PCBP2: variants seen among roughly 807,000 people sequenced by gnomAD.
PCBP2 encodes poly(rC) binding protein 2.
In PCBP2, 4 loss-of-function variants were observed where a neutral mutation model predicts 50.1. That is an observed-to-expected ratio of 0.08 (90% CI 0.04 to 0.18). The LOEUF (loss-of-function observed/expected upper bound fraction) is 0.18. Among genes scored for constraint, PCBP2 ranks in the 10% least tolerant of loss-of-function variants. PCBP2 has a pLI of 1.00. For missense variants in PCBP2, 161 were observed against 474.3 expected (o/e 0.34, Z 6.14); for synonymous variants, 179 against 168.0 (o/e 1.07, Z -0.51).
chr12:53,454,482 C>T (rs1330991857), intron 1 of PCBP2: 1 of 275,852 alleles, frequency 3.6e-6, no homozygotes, highest in African/African-American at 2.2e-5. Context: ...GAACCTTGTT[C>T]ATCCTGAGAG....
At chr12:53,471,876 T>C in intron 14 of PCBP2, 69 bp downstream of exon 14, 1 of 1,407,784 alleles carries the variant, frequency 7.1e-7, no homozygotes, top group Non-Finnish European at 9.7e-7. Context: ...AGAGCTGCAG[T>C]GTATTAAATA....
rs1471829632 is a variant in PCBP2, at chr12:53,468,766, C to T, written c.827-11C>T. The T allele has an allele frequency of 6.2e-7, 1 of 1,609,694 alleles. No individual in the cohort carries two copies. Among genetic ancestry groups the T allele is most frequent in the East Asian group, 2.2e-5 (1 of 44,868 alleles). ...GTGCATTGAATTTGCTTGCTCTCTT[C>T]TGTCTTTTAGCAGGTTTGGATGCAT... On this transcript the variant is annotated splice_polypyrimidine_tract_variant and intron_variant, in intron 12 of 14. Coordinates refer to ENST00000546463, the MANE Select transcript of PCBP2 (RefSeq NM_031989.5).
intron 14 of PCBP2, among the ~76,000 whole-genome samples, chr12:53,476,900 C>CA (rs1466789396): frequency 6.6e-6 from 1 of 152,170 alleles, no homozygotes; most frequent in East Asian, 1.9e-4. Flanking sequence ...CCATCTCCCC[C>CA]CAGGGATGTG....
Position 53,461,296 on chromosome 12 carries a change from C to T in PCBP2, c.504+153C>T, listed in dbSNP as rs550631204. Among the ~76,000 whole-genome samples, 165 of 152,248 alleles carry T rather than the reference C, an allele frequency of 1.1e-3. 3 individuals are homozygous for T. The South Asian group carries it at 0.032, about 30-fold the overall frequency. Reference sequence around the variant, plus strand: ...GTTCCCTGAGTTCATATTTTCCTTCCCCTAGCTTTGACTTTTCTTATGGTC... The same window carrying T: ...GTTCCCTGAGTTCATATTTTCCTTCTCCTAGCTTTGACTTTTCTTATGGTC... On this transcript the variant is annotated intron_variant, in intron 7 of 14. Transcript: ENST00000546463.
At chr12:53,460,415 G>A (rs1198327544) in intron 6 of PCBP2, 4 of 359,582 alleles carry the variant, frequency 1.1e-5, no homozygotes, top group Non-Finnish European at 2.3e-5. Context: ...CAAAGTGCTC[G>A]GATTACAGAT....
At chr12:53,477,161 T>C (rs1368757097) in intron 14 of PCBP2, among the ~76,000 whole-genome samples, 1 of 152,096 alleles carries the variant, frequency 6.6e-6, no homozygotes, top group Admixed American at 6.6e-5. Flanking sequence ...TGATACACAT[T>C]CAGAACATTT....
chr12:53,452,595 C>T (rs915209834), intron 1 of PCBP2, among the ~76,000 whole-genome samples: 4 of 151,594 alleles, frequency 2.6e-5, no homozygotes, highest in African/African-American at 4.8e-5. Flanking sequence ...CTCCCCCCGC[C>T]TTTTCCCGGT....
Position 53,472,348 on chromosome 12 carries a change from G to A in PCBP2, c.1052+541G>A, listed in dbSNP as rs182429314. On this transcript the variant is annotated intron_variant, in intron 14 of 14. Coordinates refer to ENST00000546463, the MANE Select transcript of PCBP2 (RefSeq NM_031989.5). ...GGAAGCACAGGTATTGGAATGTTTC[G>A]GAAGTGTGAAGTGTGTTTTCTATCT... is the stretch of plus-strand genomic sequence containing the variant. Among the ~76,000 whole-genome samples the A allele has an allele frequency of 2.7e-3, 416 of 152,210 alleles. 1 individual carries two copies. Among genetic ancestry groups the A allele is most frequent in the African/African-American group, 9.7e-3 (403 of 41,488 alleles).
At position 53,464,822 on chromosome 12, in the gene PCBP2, C is replaced by G. The variant is rs748231373; in HGVS notation, c.642C>G (p.Leu214=). 1 of 1,612,270 alleles carries G rather than the reference C, an allele frequency of 6.2e-7. No individual in the cohort carries two copies. The highest frequency in any genetic ancestry group is 1.1e-5 in the South Asian group (1 of 90,778). The stretch of plus-strand genomic sequence containing the variant: ...CCCACACCACCCCGTCCATGTGCCT[C>G]AACCCTGACCTGGAGGGACCACCTC... ...SFPHTTPSMC[L]NPDLEGPPLE... is the part of the protein sequence containing the mutation. The change falls in exon 9 of 15, where the codon CTC becomes CTG. Residue 214 remains leucine, a synonymous_variant. Transcript: ENST00000546463.
intron 13 of PCBP2, among the ~76,000 whole-genome samples, chr12:53,469,413 A>G (rs544428952): frequency 6.6e-6 from 1 of 152,074 alleles, no homozygotes; most frequent in Non-Finnish European, 1.5e-5. Flanking sequence ...GACAGCAGTA[A>G]CTTTTTGCTG....
chr12:53,480,074 C>T lies in PCBP2; in HGVS notation c.*632C>T, dbSNP rs914683966. The T allele has an allele frequency of 2.6e-5, 4 of 151,880 alleles. No homozygotes were observed. Among genetic ancestry groups the T allele is most frequent in the African/African-American group, 7.3e-5 (3 of 41,302 alleles). The allele number at this position is 151,880 out of a possible 1,614,324, so 9.4% of individuals were successfully genotyped here. ...TTAGACTTTCCGAGGACTTACCTGT[C>T]CTAGGGGAGTAGGCAAGCACTTCCA... On this transcript the variant is annotated 3_prime_UTR_variant, in exon 15 of 15. Coordinates refer to ENST00000546463, the MANE Select transcript of PCBP2 (RefSeq NM_031989.5).
At chr12:53,478,175 A>G (rs1044097381) in intron 14 of PCBP2, among the ~76,000 whole-genome samples, 1 of 152,184 alleles carries the variant, frequency 6.6e-6, no homozygotes, top group Admixed American at 6.5e-5. Flanking sequence ...GTTGAAACAA[A>G]TTATTTTGTC....
chr12:53,470,927 T>TTTTTG (rs1166703701), intron 13 of PCBP2, among the ~76,000 whole-genome samples: 3 of 152,090 alleles, frequency 2.0e-5, no homozygotes, highest in Admixed American at 2.0e-4. Flanking sequence ...TCTAAATTTA[T>TTTTTG]TTTTGTTTTG....
chr12:53,459,791 T>G (rs1179230210), intron 6 of PCBP2: 1 of 400,044 alleles, frequency 2.5e-6, no homozygotes, highest in South Asian at 1.8e-5. Context: ...TCTCACTCTG[T>G]CTCCCCAGGC....
chr12:53,470,185 C>G (rs527689286), intron 13 of PCBP2, among the ~76,000 whole-genome samples: 1 of 151,776 alleles, frequency 6.6e-6, no homozygotes, highest in Non-Finnish European at 1.5e-5. Context: ...GGAGACCAGC[C>G]TGACCATAGT....
Position 53,479,575 on chromosome 12 carries a change from A to C in PCBP2, c.*133A>C. ...ATTTTCAGTTTCTACACACTTTATC[A>C]TCCACTCGTGATTTTTTAATTAAAG... On this transcript the variant is annotated 3_prime_UTR_variant, in exon 15 of 15. Transcript: ENST00000546463. The C allele has an allele frequency of 1.5e-6, 1 of 659,788 alleles. No individual in the cohort carries two copies. The highest frequency in any genetic ancestry group is 2.4e-5 in the Admixed American group (1 of 41,470). The allele number at this position is 659,788 out of a possible 1,614,324, so 40.9% of individuals were successfully genotyped here. A position where few individuals can be genotyped will look rare whatever the true frequency, so the allele number is the denominator to read the frequency against.
intron 14 of PCBP2, among the ~76,000 whole-genome samples, chr12:53,477,790 C>CT (rs1343534144): frequency 6.7e-6 from 1 of 149,970 alleles, no homozygotes; most frequent in Non-Finnish European, 1.5e-5. Context: ...TTGGCCCTTG[C>CT]TTTTCTACCC....
At chr12:53,460,041 G>A (rs1941340623) in intron 6 of PCBP2, 1 of 240,882 alleles carries the variant, frequency 4.2e-6, no homozygotes, top group Non-Finnish European at 8.8e-6. Flanking sequence ...ACAGGCTTGA[G>A]CCAGCACACT....
chr12:53,469,302 TG>T (rs1250257848), intron 13 of PCBP2, among the ~76,000 whole-genome samples: 3 of 152,120 alleles, frequency 2.0e-5, no homozygotes, highest in African/African-American at 7.2e-5. Flanking sequence ...GAATGGAAAA[TG>T]GGAATTTTTA....
Sources: allele counts gnomAD v4.1 joint callset (sites outside exome capture counted in the v4.1 genomes callset), GRCh38; gene constraint gnomAD v4.1.1; transcripts MANE v1.5; gene names NCBI Gene and HGNC (gene_info 2026-07-23, HGNC 2026-07-21).